TBL1XR1: variants seen among roughly 807,000 people sequenced by gnomAD.
TBL1XR1 encodes the protein F-box-like/WD repeat-containing protein TBL1XR1.
Under a neutral mutation model 66.9 loss-of-function variants are expected in TBL1XR1, and 5 were observed. The observed-to-expected ratio is 0.07, with a 90% CI of 0.04 to 0.16. TBL1XR1 has a LOEUF of 0.16. TBL1XR1 is among the 10% of genes least tolerant of loss of function. The pLI is 1.00. For synonymous variants in TBL1XR1, 210 were observed against 206.0 expected (o/e 1.02, Z -0.17); for missense variants, 238 against 623.2 (o/e 0.38, Z 6.58).
At chr3:177,073,247 T>C (rs1021464473) in intron 2 of TBL1XR1, among the ~76,000 whole-genome samples, 2 of 152,202 alleles carry the variant, frequency 1.3e-5, no homozygotes, top group East Asian at 1.9e-4. Context: ...CATGGCAATA[T>C]TGGTGACAAA....
rs1712957463 is a variant in TBL1XR1, at chr3:177,025,355, C to T, written c.*143G>A. The T allele has an allele frequency of 1.4e-6, 1 of 696,226 alleles. No homozygotes were observed. The highest frequency in any genetic ancestry group is 2.6e-5 in the South Asian group (1 of 38,178). The allele number at this position is 696,226 out of a possible 1,614,324, so 43.1% of individuals were successfully genotyped here. ...TTCAGGGTGCAATTTTGTTTATATA[C>T]ACTGTATGTATATATTTCTTTTAGA... On this transcript the variant is annotated 3_prime_UTR_variant, in exon 16 of 16. Coordinates refer to ENST00000457928, the MANE Select transcript of TBL1XR1 (RefSeq NM_024665.7).
intron 1 of TBL1XR1, among the ~76,000 whole-genome samples, chr3:177,169,624 A>G (rs774650276): frequency 6.6e-6 from 1 of 152,276 alleles, no homozygotes; most frequent in East Asian, 1.9e-4. Context: ...GACTTCCAGT[A>G]ATGGAGTGGT....
chr3:177,101,934 T>C (rs1724272822), intron 1 of TBL1XR1, among the ~76,000 whole-genome samples: 1 of 152,138 alleles, frequency 6.6e-6, no homozygotes, highest in South Asian at 2.1e-4. Context: ...GGGTACAAAT[T>C]TGAACCCCTG....
chr3:177,031,198 T>C (rs1713947861), intron 14 of TBL1XR1, among the ~76,000 whole-genome samples: 1 of 152,122 alleles, frequency 6.6e-6, no homozygotes, highest in South Asian at 2.1e-4. Context: ...AACTAAAATT[T>C]AGGAAAGAGT....
chr3:177,054,045 C>CGTGTGTGTGT (rs3046468), intron 3 of TBL1XR1, 127 bp from the exon 4 acceptor site: 256 of 615,648 alleles, frequency 4.2e-4, no homozygotes, highest in African/African-American at 3.8e-3. Flanking sequence ...AGACGAAGGT[C>CGTGTGTGTGT]GTGTGTGTGT....
At chr3:177,173,147 A>C (rs965360574) in intron 1 of TBL1XR1, among the ~76,000 whole-genome samples, 2 of 152,244 alleles carry the variant, frequency 1.3e-5, no homozygotes, top group Admixed American at 1.3e-4. Flanking sequence ...AGATCGTGCC[A>C]CTGCACTCCA....
intron 1 of TBL1XR1, chr3:177,196,632 T>G (rs532025152): frequency 6.6e-6 from 1 of 151,422 alleles, no homozygotes; most frequent in East Asian, 2.0e-4. Context: ...CAAAATAGCA[T>G]GCACCGAAAA....
chr3:177,080,185 AT>A (rs1376586718), intron 2 of TBL1XR1, among the ~76,000 whole-genome samples: 2 of 152,250 alleles, frequency 1.3e-5, no homozygotes, highest in African/African-American at 2.4e-5. Context: ...GCAAAAAGCA[AT>A]TGCTTTCTAA....
chr3:177,079,981 A>C (rs1721196054), intron 2 of TBL1XR1: 1 of 152,176 alleles, frequency 6.6e-6, no homozygotes, highest in South Asian at 2.1e-4. Context: ...ATAATCTGAA[A>C]GGGCTCCTCT....
chr3:177,108,852 A>G (rs1360704846), intron 1 of TBL1XR1, among the ~76,000 whole-genome samples: 2 of 152,190 alleles, frequency 1.3e-5, no homozygotes, highest in Non-Finnish European at 2.9e-5. Context: ...CAGAGCAAAT[A>G]GAAGGAAGGA....
At chr3:177,192,921 G>A (rs1459869531) in intron 1 of TBL1XR1, among the ~76,000 whole-genome samples, 1 of 152,118 alleles carries the variant, frequency 6.6e-6, no homozygotes, top group Non-Finnish European at 1.5e-5. Context: ...GGGAGGCCGA[G>A]GCAGGCACGT....
At chr3:177,026,619 T>C (rs866258965) in intron 14 of TBL1XR1, 145 bp from the exon 15 acceptor site, 2 of 596,850 alleles carry the variant, frequency 3.4e-6, no homozygotes, top group African/African-American at 3.8e-5. Context: ...TCTGAAATTC[T>C]AGAAATGTAA....
intron 2 of TBL1XR1, among the ~76,000 whole-genome samples, chr3:177,095,003 G>A (rs1030425151): frequency 2.7e-5 from 4 of 150,290 alleles, no homozygotes; most frequent in Non-Finnish European, 3.0e-5. Flanking sequence ...AAGAAAATGC[G>A]TTATATACAT....
chr3:177,157,516 C>G (rs1731661981), intron 1 of TBL1XR1, among the ~76,000 whole-genome samples: 3 of 152,178 alleles, frequency 2.0e-5, no homozygotes, highest in African/African-American at 7.2e-5. Context: ...TCAGAACACT[C>G]TGGGTTATAA....
chr3:177,077,965 G>A (rs555926051), intron 2 of TBL1XR1, among the ~76,000 whole-genome samples: 5 of 152,164 alleles, frequency 3.3e-5, no homozygotes, highest in African/African-American at 9.6e-5. Context: ...TTAACTTCCC[G>A]GAGCCCCAGT....
intron 1 of TBL1XR1, among the ~76,000 whole-genome samples, chr3:177,185,914 G>A (rs1223206220): frequency 3.3e-5 from 5 of 152,144 alleles, no homozygotes; most frequent in Admixed American, 2.0e-4. Context: ...AGGAGGCTGA[G>A]GTAGGAGGAC....
intron 1 of TBL1XR1, among the ~76,000 whole-genome samples, 195 bp downstream of exon 1, chr3:177,196,926 T>G (rs140903163): frequency 6.6e-6 from 1 of 150,874 alleles, no homozygotes; most frequent in Non-Finnish European, 1.5e-5. Context: ...AACGGGGGGA[T>G]GGGGGCGCCC....
rs376418228 is a variant in TBL1XR1 at position 177,135,307 on chromosome 3, C to CTGTGTGTGTGTG, written c.-121-36778_-121-36767dup. Among the ~76,000 whole-genome samples the CTGTGTGTGTGTG allele has an allele frequency of 2.6e-4, 19 of 72,604 alleles. 1 individual carries two copies. The highest frequency in any genetic ancestry group is 6.8e-4 in the African/African-American group (13 of 19,200). 47.6% of individuals were successfully genotyped at this position (72,604 alleles called of 152,430 possible). ...GTGAGCCACCGCACAAGGCCGCACTCTGTGTGTGTGTGTGTGTGTGTGTGT... is the reference window on the plus strand; with the variant it reads ...GTGAGCCACCGCACAAGGCCGCACTCTGTGTGTGTGTGTGTGTGTGTGTGTGTGTGTGTGTGT... On this transcript the variant is annotated intron_variant, in intron 1 of 15. Transcript: ENST00000457928.
At chr3:177,064,240 C>A (rs969395077) in intron 3 of TBL1XR1, among the ~76,000 whole-genome samples, 15 of 152,144 alleles carry the variant, frequency 9.9e-5, no homozygotes, top group Non-Finnish European at 2.9e-5. Flanking sequence ...TAGTAGCAAT[C>A]GGCATTTCCA....
Sources: allele counts gnomAD v4.1 joint callset (sites outside exome capture counted in the v4.1 genomes callset), GRCh38; gene constraint gnomAD v4.1.1; transcripts MANE v1.5; gene names NCBI Gene and HGNC (gene_info 2026-07-23, HGNC 2026-07-21).